Variants in ZFYVE9 observed in about 807,000 individuals in gnomAD.
ZFYVE9 encodes zinc finger FYVE domain-containing protein 9.
Under a neutral mutation model 126.7 loss-of-function variants are expected in ZFYVE9, and 43 were observed. The observed-to-expected ratio is 0.34, with a 90% CI of 0.27 to 0.44. ZFYVE9 has a LOEUF of 0.44. ZFYVE9 is among the 20% of genes least tolerant of loss of function. The pLI, the probability that ZFYVE9 is intolerant of heterozygous loss-of-function variation, is 1.00. For missense variants in ZFYVE9, 1,476 were observed against 1,697.0 expected, an observed-to-expected ratio of 0.87 and a Z score of 2.29; for synonymous variants, 521 against 597.4, an observed-to-expected ratio of 0.87 and a Z score of 1.87.
intron 13 of ZFYVE9, among the ~76,000 whole-genome samples, chr1:52,329,456 A>G (rs546560560): frequency 6.6e-6 from 1 of 152,314 alleles, no homozygotes; most frequent in Non-Finnish European, 1.5e-5. Flanking sequence ...TATGACCCCA[A>G]AAGCACAAGC....
At chr1:52,143,564 A>G (rs924948916) in intron 1 of ZFYVE9, among the ~76,000 whole-genome samples, 10 of 152,232 alleles carry the variant, frequency 6.6e-5, no homozygotes, top group Admixed American at 3.9e-4. Flanking sequence ...GAAATCACCC[A>G]TAATCTCACA....
chr1:52,322,744 C>G (rs949884493), intron 13 of ZFYVE9, among the ~76,000 whole-genome samples: 4 of 151,844 alleles, frequency 2.6e-5, no homozygotes, highest in Non-Finnish European at 5.9e-5. Context: ...TTTTTCATCC[C>G]AATCAGAATG....
intron 15 of ZFYVE9, chr1:52,335,005 G>C: frequency 2.8e-6 from 1 of 356,158 alleles, no homozygotes; most frequent in Non-Finnish European, 5.2e-6. Flanking sequence ...CTGGGATAAG[G>C]TACCTGAGGG....
chr1:52,156,973 C>CCG (rs1644408473), intron 1 of ZFYVE9, among the ~76,000 whole-genome samples: 1 of 152,104 alleles, frequency 6.6e-6, no homozygotes, highest in African/African-American at 2.4e-5. Flanking sequence ...GCTGGGACTA[C>CCG]AGGCGCCCGC....
intron 8 of ZFYVE9, among the ~76,000 whole-genome samples, chr1:52,276,000 C>T (rs1189105686): frequency 4.0e-5 from 6 of 151,218 alleles, no homozygotes; most frequent in African/African-American, 7.3e-5. Context: ...CTCCGCCTCC[C>T]GGGTTCAAGC....
At position 52,340,163 on chromosome 1, in the gene ZFYVE9, A is replaced by G. The variant is rs779043843; in HGVS notation, c.3871A>G (p.Ile1291Val). The G allele has an allele frequency of 1.2e-6, 2 of 1,613,858 alleles. No homozygotes were observed. Among genetic ancestry groups the G allele is most frequent in the East Asian group, 2.2e-5 (1 of 44,876 alleles). Reference sequence around the variant, plus strand: ...TATAGATGGGAAGTCCATGGAGACTATAACAAATGTGAAGATATTCCATGG... The same window carrying G: ...TATAGATGGGAAGTCCATGGAGACTGTAACAAATGTGAAGATATTCCATGG... ...SPIDGKSMETITNVKIFHGSE... is the reference protein window; with the variant it reads ...SPIDGKSMETVTNVKIFHGSE... Residue 1291 changes from isoleucine (I) to valine (V), a missense_variant, in exon 17 of 19, where the codon ATA becomes GTA. Physicochemically the swap from Ile to Val is conservative, Grantham distance 29. Around this residue, in one of 2 missense-constraint regions of ZFYVE9, gnomAD observed 669 missense variants for 902.4 expected, o/e 0.74. Transcript: ENST00000287727.
chr1:52,297,947 C>T (rs566865893), intron 12 of ZFYVE9, among the ~76,000 whole-genome samples: 2 of 152,118 alleles, frequency 1.3e-5, no homozygotes, highest in Admixed American at 6.6e-5. Context: ...CTCATGACCT[C>T]GAGTGATCCA....
intron 13 of ZFYVE9, among the ~76,000 whole-genome samples, chr1:52,304,962 C>T (rs1243493146): frequency 6.6e-6 from 1 of 151,852 alleles, no homozygotes; most frequent in East Asian, 1.9e-4. Flanking sequence ...ATTTGTAGTT[C>T]ACAGATCTTG....
At chr1:52,322,764 C>T (rs905686854) in intron 13 of ZFYVE9, among the ~76,000 whole-genome samples, 3 of 151,838 alleles carry the variant, frequency 2.0e-5, no homozygotes, top group Non-Finnish European at 4.4e-5. Flanking sequence ...GACACAAGTC[C>T]TCTACACCAT....
intron 4 of ZFYVE9, chr1:52,254,115 A>G: frequency 1.3e-6 from 1 of 755,458 alleles, no homozygotes; most frequent in Non-Finnish European, 2.2e-6. Context: ...CTGGTAGAAG[A>G]GAGCGCCATT....
At chr1:52,284,621 G>A (rs1260496188) in intron 10 of ZFYVE9, among the ~76,000 whole-genome samples, 3 of 151,968 alleles carry the variant, frequency 2.0e-5, no homozygotes, top group Non-Finnish European at 2.9e-5. Flanking sequence ...GGGTTTCACC[G>A]TGTTAGCCAG....
At chr1:52,237,158 C>T (rs574479048) in intron 3 of ZFYVE9, among the ~76,000 whole-genome samples, 3 of 151,980 alleles carry the variant, frequency 2.0e-5, no homozygotes, top group Non-Finnish European at 4.4e-5. Context: ...CCATCTAATC[C>T]ATTAGATTAG....
At chr1:52,327,407 G>C (rs1191568725) in intron 13 of ZFYVE9, among the ~76,000 whole-genome samples, 1 of 151,326 alleles carries the variant, frequency 6.6e-6, no homozygotes, top group Non-Finnish European at 1.5e-5. Context: ...TTCGAAACCA[G>C]CTTGGCCAAT....
Position 52,238,117 on chromosome 1 carries a change from T to C in ZFYVE9, c.700T>C (p.Ser234Pro), listed in dbSNP as rs201018653. 18 of 1,614,128 alleles carry C rather than the reference T, an allele frequency of 1.1e-5. No homozygotes were observed. Among genetic ancestry groups the C allele is most frequent in the Admixed American group, 3.3e-5 (2 of 60,020 alleles). The change falls in exon 4 of 19, where the codon TCT (serine) becomes CCT (proline). Residue 234 changes from serine to proline, a missense_variant. By Grantham distance (74) the Ser-to-Pro change is moderately conservative (BLOSUM62 -1). Transcript: ENST00000287727. ...TGTTAACCATCTGTGTCCTACTTCA[T>C]CTGATAGTCTAGCCAGTGTCTGTTC... The part of the protein sequence containing the change: ...RSVNHLCPTS[S>P]DSLASVCSPS...
At chr1:52,256,726 G>GGAATATAGTGGGGTATT (rs752630499) in intron 4 of ZFYVE9, among the ~76,000 whole-genome samples, 8,972 of 152,216 alleles carry the variant, frequency 0.059, 301 homozygotes, top group African/African-American at 0.079. Context: ...TTAAACAGGT[G>GGAATATAGTGGGGTATT]TTTAGACAGA....
In ZFYVE9 at chr1:52,221,807, G is replaced by GT. The variant is rs1434312111; in HGVS notation, c.-37+5337dup. Among the ~76,000 whole-genome samples the GT allele has an allele frequency of 2.6e-5, 4 of 152,312 alleles. No homozygotes were observed. The East Asian group carries it at 7.7e-4, about 29-fold the overall frequency. On this transcript the variant is annotated intron_variant, in intron 2 of 18. Coordinates refer to ENST00000287727, the MANE Select transcript of ZFYVE9 (RefSeq NM_004799.4). ...AGAATGGGGGCTGTTACAAGTAGGT[G>GT]TTTTATTTCTTCTACCTGTTGGATC...
Position 52,183,196 on chromosome 1 carries a change from A to C in ZFYVE9, c.-142-33173A>C, listed in dbSNP as rs139850450. Among the ~76,000 whole-genome samples the C allele has an allele frequency of 5.9e-4, 90 of 152,342 alleles. 1 individual carries two copies. The highest frequency in any genetic ancestry group is 2.1e-3 in the African/African-American group (87 of 41,590). On this transcript the variant is annotated intron_variant, in intron 1 of 18. Coordinates refer to ENST00000287727, the MANE Select transcript of ZFYVE9 (RefSeq NM_004799.4). ...GATGTTGAGGATGTTTACAGACCGT[A>C]AAAGGGAAAGGTTGAAAAGACAGAG...
chr1:52,299,413 C>T (rs896504936), intron 12 of ZFYVE9, among the ~76,000 whole-genome samples: 5 of 152,154 alleles, frequency 3.3e-5, no homozygotes, highest in Non-Finnish European at 7.3e-5. Context: ...CTTTCTCTTG[C>T]CTAAGTGCTC....
chr1:52,333,808 AAGC>A (rs201634129), intron 14 of ZFYVE9, among the ~76,000 whole-genome samples: 6,785 of 151,128 alleles, frequency 0.045, 516 homozygotes, highest in African/African-American at 0.16. Context: ...AAAAAAAAAA[AAGC>A]AGGGCATGGT....
Sources: gnomAD v4.1 joint callset for allele counts (sites outside exome capture counted in the v4.1 genomes callset) on GRCh38, gnomAD v4.1.1 for gene constraint, gnomAD v4.1.1 regional missense constraint, MANE v1.5 for transcripts, NCBI Gene and HGNC (gene_info 2026-07-23, HGNC 2026-07-21) for gene names.